Variants in MXRA8 observed in about 807,000 individuals in gnomAD.
MXRA8 encodes matrix remodeling associated 8.
MXRA8 carries 44 observed loss-of-function variants against 51.4 expected under a neutral mutation model. The observed-to-expected ratio is 0.86, with a 90% CI of 0.67 to 1.10. The LOEUF (loss-of-function observed/expected upper bound fraction) is 1.10, where lower values mean the gene tolerates loss of function less well. MXRA8 is among the 50% of genes least tolerant of loss of function. The pLI, the probability that MXRA8 is intolerant of heterozygous loss-of-function variation, is 0.00. For missense variants in MXRA8, 765 were observed against 638.9 expected (o/e 1.20, Z -2.13); for synonymous variants, 369 against 293.5 (o/e 1.26, Z -2.63).
Position 1,354,124 on chromosome 1 carries a change from G to A in MXRA8, c.1146-18C>T. The A allele has an allele frequency of 6.2e-7, 1 of 1,612,888 alleles. No individual in the cohort carries two copies. Among genetic ancestry groups the A allele is most frequent in the Non-Finnish European group, 8.5e-7 (1 of 1,179,982 alleles). On this transcript the variant is annotated intron_variant, in intron 7 of 9. Transcript: ENST00000309212. ...CATCCTTCCTGGATGGCGAGGGTGG[G>A]AGGAGGTTACAGCTGGGTGGGGTGA...
At chr1:1,355,794 C>T (rs1185095117) in intron 2 of MXRA8, 42 bp from the exon 3 acceptor site, 1 of 901,552 alleles carries the variant, frequency 1.1e-6, no homozygotes. Flanking sequence ...GGTGGGCCCC[C>T]TAGGGCCCTG....
Position 1,353,841 on chromosome 1 carries a change from C to T in MXRA8, c.1303+7G>A, listed in dbSNP as rs184947058. ...TGAGATGGGCTGAGGTCGCCCCCGCCGCTCACCTTTGTCTAGGTCGATGTA... is the reference window on the plus strand; with the variant it reads ...TGAGATGGGCTGAGGTCGCCCCCGCTGCTCACCTTTGTCTAGGTCGATGTA... On this transcript the variant is annotated splice_region_variant and intron_variant, in intron 9 of 9. Coordinates refer to ENST00000309212, the MANE Select transcript of MXRA8 (RefSeq NM_032348.4). 547 of 1,574,812 alleles carry T rather than the reference C, an allele frequency of 3.5e-4. 1 individual carries two copies. The African/African-American group carries it at 5.7e-3, about 17-fold the overall frequency.
At chr1:1,359,547 C>T (rs1197603096), upstream of MXRA8, 5 of 985,270 alleles carry the variant, frequency 5.1e-6, no homozygotes, top group East Asian at 1.1e-4. Flanking sequence ...CCGAGGGCCC[C>T]AGCTGGGTGG....
chr1:1,358,109 C>G (rs1644167429), intron 1 of MXRA8, among the ~76,000 whole-genome samples: 2 of 152,168 alleles, frequency 1.3e-5, no homozygotes, highest in South Asian at 4.1e-4. Context: ...TGGAACAGAC[C>G]CCACAGTTCT....
chr1:1,353,457 G>A lies in MXRA8; in HGVS notation c.*147C>T. The A allele has an allele frequency of 6.7e-7, 1 of 1,503,384 alleles. No homozygotes were observed. Among genetic ancestry groups the A allele is most frequent in the Non-Finnish European group, 8.9e-7 (1 of 1,123,176 alleles). 93.1% of individuals were successfully genotyped at this position (1,503,384 alleles called of 1,614,324 possible). ...AAGCCCCTGGGAGAGGGGTGTGGAG[G>A]CGGCCTCTGCATACGCCCAGGCCAA... On this transcript the variant is annotated 3_prime_UTR_variant, in exon 10 of 10. Transcript: ENST00000309212.
At chr1:1,360,670 G>A (rs1644210070), upstream of MXRA8, among the ~76,000 whole-genome samples, 1 of 152,188 alleles carries the variant, frequency 6.6e-6, no homozygotes. Context: ...CCCCACCTCT[G>A]GGGGTTGGGG....
chr1:1,356,602 AC>A, intron 2 of MXRA8, 78 bp downstream of exon 2: 6 of 775,560 alleles, frequency 7.7e-6, no homozygotes, highest in Non-Finnish European at 9.4e-6. Context: ...GGGCCTGAGG[AC>A]CCCCGGGGGC....
intron 2 of MXRA8, 50 bp downstream of exon 2, chr1:1,356,631 G>GA: frequency 7.8e-7 from 1 of 1,275,752 alleles, no homozygotes. Context: ...GGCAAGATAG[G>GA]AGGGGCTGAG....
Position 1,354,876 on chromosome 1 carries a change from C to T in MXRA8, c.755G>A (p.Arg252His). 1.2e-6 allele frequency: 2 copies of T among 1,611,768 alleles called. No homozygotes were observed. The highest frequency in any genetic ancestry group is 1.7e-6 in the Non-Finnish European group (2 of 1,179,546). Residue 252 changes from arginine to histidine, a missense_variant, in exon 5 of 10, where the codon CGC becomes CAC. Coordinates refer to ENST00000309212, the MANE Select transcript of MXRA8 (RefSeq NM_032348.4). ...CTCGATACGCAGTGAGAAGTCACCG[C>T]GCTCAAAGGCATCCGCGCCCACAGC... The part of the protein sequence containing the change: ...RVAVGADAFE[R>H]GDFSLRIEPL...
Position 1,354,938 on chromosome 1 carries a change from G to A in MXRA8, c.693C>T (p.Arg231=). ...RLLDLYASGE[R]RAYGPLFLRD... is the part of the protein sequence containing the mutation. ...GCAGAAAAAGGGGCCCGTAGGCGCG[G>A]CGCTCGCCCGACGCGTAGAGGTCCA... Residue 231 remains arginine, a synonymous_variant, in exon 5 of 10, where the codon CGC becomes CGT. Transcript: ENST00000309212. 1 of 1,602,766 alleles carries A rather than the reference G, an allele frequency of 6.2e-7. No homozygotes were observed. The highest frequency in any genetic ancestry group is 8.5e-7 in the Non-Finnish European group (1 of 1,175,618).
At chr1:1,359,326 C>A (rs1644190856), upstream of MXRA8, 2 of 985,302 alleles carry the variant, frequency 2.0e-6, no homozygotes, top group Non-Finnish European at 2.4e-6. Flanking sequence ...GAGAGTGGGA[C>A]CCCTGCCATG....
In MXRA8 at chr1:1,353,439, T is replaced by TGG. The variant is rs1348178546; in HGVS notation, c.*163_*164dup. Reference sequence around the variant, plus strand: ...GGGGGCTATGCTGCCACCAAGCCCCTGGGAGAGGGGTGTGGAGGCGGCCTC... The same window carrying TGG: ...GGGGGCTATGCTGCCACCAAGCCCCTGGGGGAGAGGGGTGTGGAGGCGGCCTC... On this transcript the variant is annotated 3_prime_UTR_variant, in exon 10 of 10. Coordinates refer to ENST00000309212, the MANE Select transcript of MXRA8 (RefSeq NM_032348.4). 5.4e-5 allele frequency: 82 copies of TGG among 1,508,878 alleles called. 1 individual carries two copies. The East Asian group carries it at 2.0e-3, about 37-fold the overall frequency. The allele number at this position is 1,508,878 out of a possible 1,614,324, so 93.5% of individuals were successfully genotyped here.
rs1569791624 is a variant in MXRA8 at position 1,355,548 on chromosome 1, G to A, written c.278C>T (p.Ser93Leu). The change falls in exon 3 of 10, where the codon TCG becomes TTG. Residue 93 changes from serine to leucine, a missense_variant. Transcript: ENST00000309212. Reference sequence around the variant, plus strand: ...CTCGTACACGCGCTGCTCGCCCGCCGAGTACAAGTCCAGCAGGCGCCGCGC... The same window carrying A: ...CTCGTACACGCGCTGCTCGCCCGCCAAGTACAAGTCCAGCAGGCGCCGCGC... ...GPARRLLDLY[S>L]AGEQRVYEAR... The A allele has an allele frequency of 6.7e-7, 1 of 1,493,380 alleles. No homozygotes were observed. Among genetic ancestry groups the A allele is most frequent in the Non-Finnish European group, 8.8e-7 (1 of 1,130,576 alleles). The allele number at this position is 1,493,380 out of a possible 1,614,324, so 92.5% of individuals were successfully genotyped here. A position where few individuals can be genotyped will look rare whatever the true frequency, so the allele number is the denominator to read the frequency against.
chr1:1,362,823 T>C (rs1393469728), upstream of MXRA8, among the ~76,000 whole-genome samples: 29 of 145,320 alleles, frequency 2.0e-4, no homozygotes, highest in African/African-American at 6.4e-4. Flanking sequence ...GTGGCTCACA[T>C]CGGTAATCCC....
At position 1,358,550 on chromosome 1, in the gene MXRA8, C is replaced by G; in HGVS notation, c.-46G>C. 1 of 1,597,468 alleles carries G rather than the reference C, an allele frequency of 6.3e-7. No homozygotes were observed. Among genetic ancestry groups the G allele is most frequent in the Non-Finnish European group, 8.5e-7 (1 of 1,171,858 alleles). On this transcript the variant is annotated 5_prime_UTR_variant, in exon 1 of 10. Coordinates refer to ENST00000309212, the MANE Select transcript of MXRA8 (RefSeq NM_032348.4). ...CTTTGTCCCACTCGGCTCTAAGTCTCTCTCCAGAAAAACAGCCCTACCCCC... is the reference window on the plus strand; with the variant it reads ...CTTTGTCCCACTCGGCTCTAAGTCTGTCTCCAGAAAAACAGCCCTACCCCC...
At position 1,355,141 on chromosome 1, in the gene MXRA8, G is replaced by A. The variant is rs759066574; in HGVS notation, c.490C>T (p.Pro164Ser). Residue 164 changes from proline (P) to serine (S), a missense_variant, in exon 5 of 10, where the codon CCC becomes TCC. By Grantham distance (74) the Pro-to-Ser change is moderately conservative. Coordinates refer to ENST00000309212, the MANE Select transcript of MXRA8 (RefSeq NM_032348.4). Reference protein sequence around the residue: ...LEVTDGPPATPAYWDGEKEVL... With the variant: ...LEVTDGPPATSAYWDGEKEVL... ...TCCTTCTCGCCGTCCCAGTAGGCGG[G>A]GGTGGCCGGGGCTGCGGAGGGGGCG... 5.2e-5 allele frequency: 75 copies of A among 1,432,212 alleles called. No homozygotes were observed. The highest frequency in any genetic ancestry group is 2.2e-4 in the Middle Eastern group (1 of 4,458). 88.7% of individuals were successfully genotyped at this position (1,432,212 alleles called of 1,614,324 possible).
chr1:1,361,476 C>A, upstream of MXRA8: 1 of 588,808 alleles, frequency 1.7e-6, no homozygotes, highest in Non-Finnish European at 3.1e-6. Context: ...GACGGACGGA[C>A]CCAAGGAAGC....
chr1:1,357,259 G>A (rs551574570), intron 1 of MXRA8, among the ~76,000 whole-genome samples: 150 of 152,264 alleles, frequency 9.9e-4, no homozygotes, highest in African/African-American at 3.0e-3. Flanking sequence ...AGGCCGCCTC[G>A]GCATCCACTC....
In MXRA8 at chr1:1,355,158, G is replaced by A. The variant is rs757786710; in HGVS notation, c.479-6C>T. 2.8e-5 allele frequency: 39 copies of A among 1,397,618 alleles called. No individual in the cohort carries two copies. In the East Asian group the frequency reaches 1.1e-3, roughly 41 times the overall value. The allele number at this position is 1,397,618 out of a possible 1,614,324, so 86.6% of individuals were successfully genotyped here. A position where few individuals can be genotyped will look rare whatever the true frequency, so the allele number is the denominator to read the frequency against. On this transcript the variant is annotated splice_polypyrimidine_tract_variant and splice_region_variant and intron_variant, in intron 4 of 9. Transcript: ENST00000309212. ...GTAGGCGGGGGTGGCCGGGGCTGCG[G>A]AGGGGGCGCGGTCAGCGGCGCGCGG...
Sources: allele counts gnomAD v4.1 joint callset (sites outside exome capture counted in the v4.1 genomes callset), GRCh38; gene constraint gnomAD v4.1.1; transcripts MANE v1.5; gene names NCBI Gene and HGNC (gene_info 2026-07-23, HGNC 2026-07-21).